Variants in SLC30A7 observed in about 807,000 individuals in gnomAD.
The protein encoded by SLC30A7 is zinc transporter 7.
SLC30A7 carries 35 observed loss-of-function variants against 46.0 expected under a neutral mutation model. That is an observed-to-expected ratio of 0.76 (90% confidence interval 0.58 to 1.01). SLC30A7 has a LOEUF of 1.01. Among genes scored for constraint, SLC30A7 ranks in the 50% least tolerant of loss-of-function variants. SLC30A7 has a pLI of 0.00. For missense variants in SLC30A7, 464 were observed against 451.1 expected (o/e 1.03, Z -0.26); for synonymous variants, 147 against 157.8 (o/e 0.93, Z 0.51).
At chr1:100,974,590 G>T (rs1656348661) in intron 10 of SLC30A7, among the ~76,000 whole-genome samples, 1 of 151,858 alleles carries the variant, frequency 6.6e-6, no homozygotes, top group Non-Finnish European at 1.5e-5. Flanking sequence ...ATCTGGATAG[G>T]GTGTGTGACT....
chr1:100,956,976 A>G (rs1317172302), intron 8 of SLC30A7, among the ~76,000 whole-genome samples: 1 of 152,244 alleles, frequency 6.6e-6, no homozygotes, highest in Non-Finnish European at 1.5e-5. Flanking sequence ...CTTATTAAAA[A>G]TAAAGTTATG....
chr1:100,983,369 T>C (rs1240625029), downstream of SLC30A7, among the ~76,000 whole-genome samples: 2 of 141,292 alleles, frequency 1.4e-5, no homozygotes, highest in African/African-American at 5.3e-5. Context: ...CAGTTCTACT[T>C]TGAGGCAAAA....
intron 4 of SLC30A7, 69 bp from the exon 5 acceptor site, chr1:100,912,043 T>G: frequency 7.1e-7 from 1 of 1,413,530 alleles, no homozygotes; most frequent in Non-Finnish European, 9.8e-7. Context: ...TAATGTTGTC[T>G]TATGATTTTG....
Position 100,921,753 on chromosome 1 carries a change from A to C in SLC30A7, c.754A>C (p.Ile252Leu). The C allele has an allele frequency of 6.2e-7, 1 of 1,612,648 alleles. No individual in the cohort carries two copies. Among genetic ancestry groups the C allele is most frequent in the Non-Finnish European group, 8.5e-7 (1 of 1,179,084 alleles). ...LADTLGSIGV[I>L]ASAIMMQNFG... ...AGATACACTTGGAAGTATTGGTGTAATTGCTTCTGCCATCATGATGCAAAA... is the reference window on the plus strand; with the variant it reads ...AGATACACTTGGAAGTATTGGTGTACTTGCTTCTGCCATCATGATGCAAAA... The change falls in exon 8 of 11, where the codon ATT becomes CTT. Residue 252 changes from isoleucine (I) to leucine (L), a missense_variant. Ile to Leu is a conservative substitution (Grantham distance 5). Coordinates refer to ENST00000357650, the MANE Select transcript of SLC30A7 (RefSeq NM_133496.5).
intron 8 of SLC30A7, among the ~76,000 whole-genome samples, chr1:100,943,683 G>T (rs1409899523): frequency 6.6e-6 from 1 of 152,180 alleles, no homozygotes; most frequent in Non-Finnish European, 1.5e-5. Flanking sequence ...TTTAAGAGCT[G>T]TATATCAGGA....
chr1:100,963,762 A>G (rs961503856), intron 9 of SLC30A7, among the ~76,000 whole-genome samples: 2 of 152,200 alleles, frequency 1.3e-5, no homozygotes, highest in African/African-American at 4.8e-5. Context: ...TCATTTAAAT[A>G]GTCACATATG....
intron 2 of SLC30A7, 65 bp downstream of exon 2, chr1:100,896,736 T>A: frequency 2.2e-6 from 3 of 1,335,736 alleles, no homozygotes; most frequent in Non-Finnish European, 3.2e-6. Context: ...ACTGTTTGCT[T>A]AATGCCACGT....
At chr1:100,947,499 T>A (rs1000918475) in intron 8 of SLC30A7, among the ~76,000 whole-genome samples, 7 of 152,136 alleles carry the variant, frequency 4.6e-5, no homozygotes, top group African/African-American at 1.7e-4. Context: ...AGAATAAGTG[T>A]GATGTGGTGC....
chr1:100,965,714 TA>T, intron 9 of SLC30A7, 54 bp from the exon 10 acceptor site: 1 of 1,454,374 alleles, frequency 6.9e-7, no homozygotes, highest in Non-Finnish European at 9.6e-7. Context: ...ATAACTTAAG[TA>T]AAAGGGAGTG....
Position 100,963,132 on chromosome 1 carries a change from T to C in SLC30A7, c.933+1214T>C, listed in dbSNP as rs188558886. ...AAAATCTTGAGTTTTGGGTACAGAT[T>C]AGGACCAGAAAGAGTTATAAGTCAT... On this transcript the variant is annotated intron_variant, in intron 9 of 10. Coordinates refer to ENST00000357650, the MANE Select transcript of SLC30A7 (RefSeq NM_133496.5). Among the ~76,000 whole-genome samples, 400 of 152,292 alleles carry C rather than the reference T, an allele frequency of 2.6e-3. 1 individual carries two copies. The highest frequency in any genetic ancestry group is 5.1e-3 in the Non-Finnish European group (345 of 68,000).
downstream of SLC30A7, among the ~76,000 whole-genome samples, chr1:100,982,771 G>A (rs926268191): frequency 6.6e-6 from 1 of 152,144 alleles, no homozygotes; most frequent in Non-Finnish European, 1.5e-5. Context: ...TTTTGTCCAG[G>A]TGCTTTTGAA....
chr1:100,954,520 G>A (rs1250188393), intron 8 of SLC30A7, among the ~76,000 whole-genome samples: 5 of 152,104 alleles, frequency 3.3e-5, no homozygotes, highest in African/African-American at 1.2e-4. Flanking sequence ...AAGACCAGAT[G>A]CATTAGGTGT....
chr1:100,943,252 T>A (rs1242196514), intron 8 of SLC30A7, among the ~76,000 whole-genome samples: 1 of 152,144 alleles, frequency 6.6e-6, no homozygotes, highest in East Asian at 1.9e-4. Flanking sequence ...AACCCCCTCC[T>A]TGGATTCGAT....
At chr1:100,974,556 C>T (rs573959076) in intron 10 of SLC30A7, among the ~76,000 whole-genome samples, 1 of 152,108 alleles carries the variant, frequency 6.6e-6, no homozygotes, top group South Asian at 2.1e-4. Flanking sequence ...AGGTGAACTG[C>T]ATTTTTCTAA....
the SLC30A7 span, chr1:100,990,684 C>A: frequency 1.3e-6 from 2 of 1,543,328 alleles, no homozygotes; most frequent in South Asian, 1.1e-5. Flanking sequence ...ATCATCCATC[C>A]AACAGTCAAA....
chr1:100,945,621 C>T (rs200333071), intron 8 of SLC30A7, among the ~76,000 whole-genome samples: 1 of 151,922 alleles, frequency 6.6e-6, no homozygotes, highest in African/African-American at 2.4e-5. Context: ...ATTTCTGGGG[C>T]CTCTGTTCTG....
At chr1:100,954,271 CACTA>C (rs1655115983) in intron 8 of SLC30A7, among the ~76,000 whole-genome samples, 1 of 152,092 alleles carries the variant, frequency 6.6e-6, no homozygotes, top group Non-Finnish European at 1.5e-5. Flanking sequence ...CCAACTCTGC[CACTA>C]ACTCTTACCT....
At chr1:100,941,567 G>C in intron 8 of SLC30A7, 1 of 567,064 alleles carries the variant, frequency 1.8e-6, no homozygotes, top group Non-Finnish European at 3.4e-6. Flanking sequence ...AATCACTTCA[G>C]TTTTTCCATA....
the SLC30A7 span, among the ~76,000 whole-genome samples, chr1:100,994,074 T>C: frequency 6.6e-6 from 1 of 152,102 alleles, no homozygotes; most frequent in Non-Finnish European, 1.5e-5. Flanking sequence ...TTTTAATTAA[T>C]CCAAAATGTT....
Sources: gnomAD v4.1 joint callset for allele counts (sites outside exome capture counted in the v4.1 genomes callset) on GRCh38, gnomAD v4.1.1 for gene constraint, MANE v1.5 for transcripts, NCBI Gene and HGNC (gene_info 2026-07-23, HGNC 2026-07-21) for gene names.